Variants in UPRT observed in about 807,000 individuals in gnomAD.
The protein encoded by UPRT is uracil phosphoribosyltransferase homolog, also known as RP11-311P8.3.
Under a neutral mutation model 22.6 loss-of-function variants are expected in UPRT, and 5 were observed. The observed-to-expected ratio is 0.22, with a 90% CI of 0.12 to 0.47. UPRT has a LOEUF of 0.47. Among genes scored for constraint, UPRT ranks in the 20% least tolerant of loss-of-function variants. The pLI, the probability that UPRT is intolerant of heterozygous loss-of-function variation, is 0.99. For synonymous variants in UPRT, 77 were observed against 87.7 expected (o/e 0.88, Z 0.68); for missense variants, 181 against 239.9 (o/e 0.75, Z 1.62).
chrX:75,181,725 T>A (rs1339592589), intron 4 of UPRT, among the ~76,000 whole-genome samples: 1 of 112,051 alleles, frequency 8.9e-6, no homozygotes, highest in Non-Finnish European at 1.9e-5. Flanking sequence ...AAGTTGTATA[T>A]CAGATCAAAG....
chrX:75,176,970 G>A (rs2082248895), intron 4 of UPRT, among the ~76,000 whole-genome samples: 1 of 111,456 alleles, frequency 9.0e-6, no homozygotes, highest in African/African-American at 3.3e-5. Flanking sequence ...TTCAGGGTTT[G>A]TGGGTCAAAT....
chrX:75,193,940 T>C (rs2082324715), intron 4 of UPRT, among the ~76,000 whole-genome samples: 1 of 112,048 alleles, frequency 8.9e-6, no homozygotes, highest in Non-Finnish European at 1.9e-5. Context: ...GTCCATATTC[T>C]GAATTTTATT....
rs993001756 is a variant in UPRT, at chrX:75,174,598, C to A, written c.-447+6719C>A. Among the ~76,000 whole-genome samples, 9 of 111,703 alleles carry A rather than the reference C, an allele frequency of 8.1e-5. No individual in the cohort carries two copies. The South Asian group carries it at 3.4e-3, about 42-fold the overall frequency. On this transcript the variant is annotated intron_variant, in intron 4 of 13. Coordinates refer to the UPRT transcript ENST00000652605. ...AACCCCAGGCGGCATCTCATACTAT[C>A]CCTTACTGGTTAGTGTAAAAACAAC...
intron 1 of UPRT, among the ~76,000 whole-genome samples, chrX:75,286,590 G>A (rs2082682183): frequency 9.0e-6 from 1 of 111,666 alleles, no homozygotes. Context: ...TATTTTACAA[G>A]CCACGTTATA....
At chrX:75,234,191 G>T (rs1482652422) in intron 4 of UPRT, among the ~76,000 whole-genome samples, 1 of 111,196 alleles carries the variant, frequency 9.0e-6, no homozygotes, top group Non-Finnish European at 1.9e-5. Context: ...GACAAAGAAG[G>T]CCATTACTCA....
intron 4 of UPRT, among the ~76,000 whole-genome samples, chrX:75,215,119 T>G (rs1289551856): frequency 9.0e-6 from 1 of 111,587 alleles, no homozygotes; most frequent in Non-Finnish European, 1.9e-5. Flanking sequence ...GAAGATATCT[T>G]TTTTTTAGAA....
At chrX:75,181,202 C>T (rs894359812) in intron 4 of UPRT, among the ~76,000 whole-genome samples, 1 of 110,785 alleles carries the variant, frequency 9.0e-6, no homozygotes, top group Non-Finnish European at 1.9e-5. Context: ...TATTCTGCTT[C>T]ATTGGTGTAC....
chrX:75,271,684 G>C (rs376299271), upstream of UPRT, among the ~76,000 whole-genome samples: 2 of 111,704 alleles, frequency 1.8e-5, no homozygotes, highest in African/African-American at 6.5e-5. Flanking sequence ...ACAGCAAAAG[G>C]AACAGTCAGC....
At chrX:75,237,147 C>G (rs2082469135) in intron 4 of UPRT, among the ~76,000 whole-genome samples, 3 of 112,238 alleles carry the variant, frequency 2.7e-5, no homozygotes, top group South Asian at 7.3e-4. Context: ...AGGACATGAA[C>G]AGATACTTCT....
At chrX:75,159,804 TCTCA>T (rs2082193746) in intron 1 of UPRT, among the ~76,000 whole-genome samples, 1 of 90,890 alleles carries the variant, frequency 1.1e-5, no homozygotes, top group Non-Finnish European at 2.1e-5. Context: ...TGAGATGGAG[TCTCA>T]CTCAGTTGCT....
intron 4 of UPRT, among the ~76,000 whole-genome samples, chrX:75,259,113 G>A (rs1034997411): frequency 9.0e-6 from 1 of 111,252 alleles, no homozygotes; most frequent in African/African-American, 3.3e-5. Context: ...GACCCCATCC[G>A]AAGGTCACCG....
Position 75,211,027 on chromosome X carries a change from T to G in UPRT, c.-447+43148T>G, listed in dbSNP as rs775339919. Among the ~76,000 whole-genome samples the G allele has an allele frequency of 7.3e-5, 8 of 109,272 alleles. No individual in the cohort carries two copies. The East Asian group carries it at 2.1e-3, about 28-fold the overall frequency. 94.9% of individuals were successfully genotyped at this position (109,272 alleles called of 115,157 possible). ...GGCTTGGAGGATCCAGATGAGACAT[T>G]TGGGAGGAGTGAATAAGGTATTCAG... On this transcript the variant is annotated intron_variant, in intron 4 of 13. Coordinates refer to the UPRT transcript ENST00000652605.
intron 1 of UPRT, among the ~76,000 whole-genome samples, chrX:75,158,277 A>C (rs1459351976): frequency 1.8e-5 from 2 of 111,971 alleles, no homozygotes; most frequent in African/African-American, 6.5e-5. Context: ...GCCTGTAATA[A>C]CTTGACACAT....
chrX:75,159,939 G>A lies in UPRT; in HGVS notation c.-736-611G>A, dbSNP rs1485623467. 6.4e-5 allele frequency among the ~76,000 whole-genome samples: 7 copies of A among 109,312 alleles called. No individual in the cohort carries two copies. In the East Asian group the frequency reaches 2.0e-3, roughly 32 times the overall value. 94.9% of individuals were successfully genotyped at this position (109,312 alleles called of 115,157 possible). Reference sequence around the variant, plus strand: ...CTACAGGTGCATGCCACCACGCCCGGCTAATTTTTTGTATTTTTAGTAGAG... The same window carrying A: ...CTACAGGTGCATGCCACCACGCCCGACTAATTTTTTGTATTTTTAGTAGAG... On this transcript the variant is annotated intron_variant, in intron 1 of 13. Transcript: ENST00000652605.
chrX:75,236,515 A>T (rs1395496835), intron 4 of UPRT, among the ~76,000 whole-genome samples: 2 of 111,901 alleles, frequency 1.8e-5, no homozygotes, highest in Non-Finnish European at 3.8e-5. Context: ...AAAAGAACAA[A>T]GCTGGAGGTA....
At chrX:75,204,626 T>C (rs2082358196) in intron 4 of UPRT, among the ~76,000 whole-genome samples, 2 of 111,778 alleles carry the variant, frequency 1.8e-5, no homozygotes, top group Non-Finnish European at 3.8e-5. Flanking sequence ...GAAGGTTGTT[T>C]GGTTTTGGAG....
chrX:75,291,630 T>A (rs928405551), intron 1 of UPRT: 1 of 138,214 alleles, frequency 7.2e-6, no homozygotes, highest in African/African-American at 3.3e-5. Context: ...TGAAGGCCAT[T>A]GTGGAATTAA....
intron 1 of UPRT, among the ~76,000 whole-genome samples, chrX:75,277,082 G>T (rs1345430031): frequency 1.8e-5 from 2 of 112,053 alleles, no homozygotes; most frequent in Non-Finnish European, 3.8e-5. Flanking sequence ...TCCTTTTTAT[G>T]ATTAAATGAT....
At chrX:75,302,663 C>T (rs1222060376) in intron 6 of UPRT, among the ~76,000 whole-genome samples, 1 of 111,122 alleles carries the variant, frequency 9.0e-6, no homozygotes, top group Non-Finnish European at 1.9e-5. Context: ...TAACCATTTC[C>T]TTATTGTGAG....
Sources: gnomAD v4.1 joint callset for allele counts (sites outside exome capture counted in the v4.1 genomes callset) on GRCh38, gnomAD v4.1.1 for gene constraint, MANE v1.5 for transcripts, NCBI Gene and HGNC (gene_info 2026-07-23, HGNC 2026-07-21) for gene names.